Variants in VRK2 observed in about 807,000 individuals in gnomAD.
The protein encoded by VRK2 is VRK serine/threonine kinase 2, also known as serine/threonine-protein kinase VRK2.
VRK2 carries 60 observed loss-of-function variants against 57.6 expected under a neutral mutation model. That is an observed-to-expected ratio of 1.04 (90% CI 0.85 to 1.29). The LOEUF is 1.29. Ranked by LOEUF, VRK2 falls within the 50% of genes most tolerant of loss-of-function variation. The pLI, the probability that VRK2 is intolerant of heterozygous loss-of-function variation, is 0.00. For synonymous variants in VRK2, 231 were observed against 199.2 expected, an observed-to-expected ratio of 1.16 and a Z score of -1.35; for missense variants, 705 against 588.1, an observed-to-expected ratio of 1.20 and a Z score of -2.06.
At chr2:57,929,244 G>A (rs1488720744) in intron 1 of VRK2, among the ~76,000 whole-genome samples, 1 of 152,218 alleles carries the variant, frequency 6.6e-6, no homozygotes, top group East Asian at 1.9e-4. Flanking sequence ...TTATTCTACT[G>A]TGGCTGAGTT....
chr2:57,994,944 T>C (rs182163987), intron 1 of VRK2, among the ~76,000 whole-genome samples: 68 of 152,348 alleles, frequency 4.5e-4, no homozygotes, highest in African/African-American at 1.3e-3. Context: ...ATTTTGTTTC[T>C]GTATTCAATT....
chr2:58,139,138 T>A (rs540846688), intron 10 of VRK2, among the ~76,000 whole-genome samples: 42 of 152,152 alleles, frequency 2.8e-4, no homozygotes, highest in Non-Finnish European at 5.9e-4. Context: ...GGAGGTTTCA[T>A]ACATTCTAAA....
intron 12 of VRK2, among the ~76,000 whole-genome samples, chr2:58,156,290 T>C (rs1400573047): frequency 6.6e-6 from 1 of 152,192 alleles, no homozygotes; most frequent in Non-Finnish European, 1.5e-5. Flanking sequence ...TGTATTTCTT[T>C]CTGTGGCTTT....
intron 7 of VRK2, among the ~76,000 whole-genome samples, chr2:58,092,231 C>G (rs1230814713): frequency 6.6e-6 from 1 of 152,098 alleles, no homozygotes; most frequent in Non-Finnish European, 1.5e-5. Context: ...ATTTCTGTCC[C>G]TATATTTTTA....
intron 1 of VRK2, among the ~76,000 whole-genome samples, chr2:57,926,530 GTATA>G (rs202199815): frequency 4.0e-5 from 6 of 150,030 alleles, no homozygotes; most frequent in East Asian, 2.0e-4. Context: ...GTGTGTGTGT[GTATA>G]TATATAGAGA....
chr2:57,946,767 T>C (rs897697066), intron 1 of VRK2, among the ~76,000 whole-genome samples: 2 of 152,152 alleles, frequency 1.3e-5, no homozygotes, highest in East Asian at 3.8e-4. Flanking sequence ...CAACCAAATT[T>C]ATGAGCCTTC....
intron 2 of VRK2, among the ~76,000 whole-genome samples, chr2:58,067,691 T>A (rs1367811309): frequency 6.6e-6 from 1 of 152,120 alleles, no homozygotes; most frequent in Admixed American, 6.5e-5. Flanking sequence ...TGTGGTTGTC[T>A]TGTGTATTAT....
intron 2 of VRK2, among the ~76,000 whole-genome samples, chr2:58,055,996 T>C (rs1676457931): frequency 6.6e-6 from 1 of 152,166 alleles, no homozygotes; most frequent in African/African-American, 2.4e-5. Context: ...GTATATAAAC[T>C]TTGCTTCTTG....
chr2:57,986,596 ATT>A lies in VRK2; in HGVS notation c.-438-39050_-438-39049del, dbSNP rs11452161. On this transcript the variant is annotated intron_variant, in intron 1 of 15. Transcript: ENST00000417641. The stretch of plus-strand genomic sequence containing the variant: ...GACCCACTAATACATAGTTCAATCG[ATT>A]TTTTTTTTTTTTTTTTTTGAGATGG... Among the ~76,000 whole-genome samples, 414 of 124,498 alleles carry A rather than the reference ATT, an allele frequency of 3.3e-3. 1 individual carries two copies. The highest frequency in any genetic ancestry group is 0.012 in the African/African-American group (396 of 33,692). The allele number at this position is 124,498 out of a possible 152,430, so 81.7% of individuals were successfully genotyped here. A position where few individuals can be genotyped will look rare whatever the true frequency, so the allele number is the denominator to read the frequency against.
At chr2:58,061,809 A>T (rs1053603186) in intron 2 of VRK2, among the ~76,000 whole-genome samples, 1 of 152,076 alleles carries the variant, frequency 6.6e-6, no homozygotes, top group African/African-American at 2.4e-5. Flanking sequence ...TTATAAATAA[A>T]TTCAGAAAAT....
rs926908535 is a variant in VRK2, at chr2:58,048,427, C to T, written c.-5-400C>T. On this transcript the variant is annotated intron_variant, in intron 1 of 12. Transcript: ENST00000340157. ...CTTTTCTAGTGACTGAAGACCTTCT[C>T]ACTTTTAACATTTTACATTCTCAGT... The T allele has an allele frequency of 1.6e-5, 10 of 628,546 alleles. No homozygotes were observed. The African/African-American group carries it at 1.8e-4, about 11-fold the overall frequency. 38.9% of individuals were successfully genotyped at this position (628,546 alleles called of 1,614,324 possible).
intron 12 of VRK2, among the ~76,000 whole-genome samples, chr2:58,158,726 G>T (rs1241623626): frequency 6.6e-6 from 1 of 152,104 alleles, no homozygotes; most frequent in East Asian, 1.9e-4. Context: ...TGAAAACATA[G>T]AAGTAGCTCC....
intron 7 of VRK2, among the ~76,000 whole-genome samples, chr2:58,112,237 T>TA (rs1309514253): frequency 1.3e-5 from 2 of 152,250 alleles, no homozygotes; most frequent in African/African-American, 4.8e-5. Context: ...TCAGCTTTCT[T>TA]ATATGTAAAA....
At chr2:57,946,040 G>A (rs1176961133) in intron 1 of VRK2, among the ~76,000 whole-genome samples, 6 of 152,082 alleles carry the variant, frequency 3.9e-5, no homozygotes, top group Non-Finnish European at 8.8e-5. Flanking sequence ...CATTCTACAA[G>A]CGAGTATTAT....
chr2:57,965,933 A>G (rs1671903067), intron 1 of VRK2, among the ~76,000 whole-genome samples: 1 of 152,126 alleles, frequency 6.6e-6, no homozygotes, highest in Non-Finnish European at 1.5e-5. Flanking sequence ...AATCCTTTAC[A>G]CCTCACCAAG....
At chr2:58,070,966 C>T (rs180940758) in intron 2 of VRK2, among the ~76,000 whole-genome samples, 1 of 152,196 alleles carries the variant, frequency 6.6e-6, no homozygotes, top group African/African-American at 2.4e-5. Flanking sequence ...GCATCCTTGC[C>T]AGCATTTAGC....
intron 1 of VRK2, among the ~76,000 whole-genome samples, chr2:57,989,814 T>C (rs1265802490): frequency 1.3e-5 from 2 of 152,220 alleles, no homozygotes; most frequent in African/African-American, 4.8e-5. Flanking sequence ...ATCTCCTGTT[T>C]GTTTTATTAT....
intron 3 of VRK2, among the ~76,000 whole-genome samples, chr2:58,040,698 G>A (rs1239250427): frequency 6.6e-6 from 1 of 152,164 alleles, no homozygotes; most frequent in African/African-American, 2.4e-5. Context: ...AAGGCAGCTA[G>A]CAACATTAGC....
intron 1 of VRK2, among the ~76,000 whole-genome samples, chr2:57,998,104 T>C (rs1320596010): frequency 2.6e-5 from 4 of 152,120 alleles, no homozygotes; most frequent in Non-Finnish European, 5.9e-5. Flanking sequence ...AAGTAATAAC[T>C]GAAGGAAATA....
Sources: gnomAD v4.1 joint callset for allele counts (sites outside exome capture counted in the v4.1 genomes callset) on GRCh38, gnomAD v4.1.1 for gene constraint, MANE v1.5 for transcripts, NCBI Gene and HGNC (gene_info 2026-07-23, HGNC 2026-07-21) for gene names.